Variants in BICC1 observed in about 807,000 individuals in gnomAD.
BICC1 encodes the protein protein bicaudal C homolog 1.
BICC1 carries 43 observed loss-of-function variants against 111.0 expected under a neutral mutation model. That is an observed-to-expected ratio of 0.39 (90% CI 0.30 to 0.50). The LOEUF is 0.50. Ranked by LOEUF, BICC1 falls within the 20% of genes least tolerant of loss-of-function variation. The pLI is 0.88. For missense variants in BICC1, 1,091 were observed against 1,203.2 expected (o/e 0.91, Z 1.38); for synonymous variants, 467 against 434.4 (o/e 1.07, Z -0.93).
At chr10:58,801,723 G>A (rs1034378816) in intron 14 of BICC1, among the ~76,000 whole-genome samples, 1 of 151,820 alleles carries the variant, frequency 6.6e-6, no homozygotes, top group Admixed American at 6.6e-5. Flanking sequence ...GTGTCTTTAT[G>A]CAAAGATTAG....
intron 1 of BICC1, among the ~76,000 whole-genome samples, chr10:58,528,308 C>G (rs1006196050): frequency 6.6e-6 from 1 of 151,790 alleles, no homozygotes; most frequent in African/African-American, 2.4e-5. Flanking sequence ...GAATGTTTTA[C>G]TGTTAGTGAT....
intron 3 of BICC1, among the ~76,000 whole-genome samples, chr10:58,717,118 A>G (rs1036683922): frequency 6.6e-6 from 1 of 152,258 alleles, no homozygotes; most frequent in Non-Finnish European, 1.5e-5. Flanking sequence ...TATTTTAAAT[A>G]GACACTGGTA....
At chr10:58,731,707 GGAGAGA>G (rs60117655) in intron 3 of BICC1, among the ~76,000 whole-genome samples, 43 of 147,384 alleles carry the variant, frequency 2.9e-4, no homozygotes, top group South Asian at 6.5e-4. Flanking sequence ...CAGGACAAGG[GGAGAGA>G]GAGAGAGAGA....
chr10:58,648,688 C>T, intron 2 of BICC1: 1 of 981,546 alleles, frequency 1.0e-6, no homozygotes, highest in Non-Finnish European at 1.2e-6. Context: ...TGCCTCTACA[C>T]TGTTGGAAAT....
intron 1 of BICC1, among the ~76,000 whole-genome samples, chr10:58,583,319 G>A (rs1382259453): frequency 6.6e-6 from 1 of 151,974 alleles, no homozygotes; most frequent in East Asian, 1.9e-4. Context: ...TGAGATCTTG[G>A]TGTACCCATC....
chr10:58,562,752 A>ATT (rs55705635), intron 1 of BICC1, among the ~76,000 whole-genome samples: 36 of 150,532 alleles, frequency 2.4e-4, no homozygotes, highest in South Asian at 8.4e-4. Context: ...TGTAAGGATA[A>ATT]TTTTTTTTTT....
intron 1 of BICC1, among the ~76,000 whole-genome samples, chr10:58,548,214 G>C (rs1050598937): frequency 6.6e-6 from 1 of 152,164 alleles, no homozygotes; most frequent in Non-Finnish European, 1.5e-5. Context: ...CAAACACTGA[G>C]AGATCTGGCT....
chr10:58,808,298 A>G (rs12412129), intron 17 of BICC1, among the ~76,000 whole-genome samples: 4 of 152,178 alleles, frequency 2.6e-5, no homozygotes, highest in Admixed American at 2.0e-4. Context: ...ACAGAGAGAA[A>G]ATAAACATCT....
chr10:58,799,086 C>T lies in BICC1; in HGVS notation c.1559C>T (p.Pro520Leu). ...GFSAIPHLMI[P>L]STAQATLTNI... ...TCTGCTATACCACACCTTATGATTC[C>T]ATCTACTGCCCAAGCCACATTAACT... Residue 520 changes from proline (P) to leucine (L), a missense_variant, in exon 12 of 21, where the codon CCA (proline) becomes CTA (leucine). Pro to Leu is a moderately conservative substitution (Grantham distance 98). Coordinates refer to ENST00000373886, the MANE Select transcript of BICC1 (RefSeq NM_001080512.3). 4 of 1,612,026 alleles carry T rather than the reference C, an allele frequency of 2.5e-6. No homozygotes were observed. The highest frequency in any genetic ancestry group is 2.5e-6 in the Non-Finnish European group (3 of 1,178,728).
rs1322345572 is a variant in BICC1, at chr10:58,801,174, T to G, written c.2015+128T>G. The G allele has an allele frequency of 3.7e-6, 3 of 802,528 alleles. No individual in the cohort carries two copies. In the African/African-American group the frequency reaches 5.4e-5, roughly 14 times the overall value. The allele number at this position is 802,528 out of a possible 1,614,324, so 49.7% of individuals were successfully genotyped here. On this transcript the variant is annotated intron_variant, in intron 14 of 20. Coordinates refer to ENST00000373886, the MANE Select transcript of BICC1 (RefSeq NM_001080512.3). ...CATCCATGGGTGTTTTCATTTTAAC[T>G]TTTTTAAAAAAAATATTAAGGAATA...
At chr10:58,756,110 AT>A (rs765597779) in intron 3 of BICC1, among the ~76,000 whole-genome samples, 7 of 152,102 alleles carry the variant, frequency 4.6e-5, no homozygotes, top group Admixed American at 2.6e-4. Flanking sequence ...GATGTGTTGT[AT>A]CTATTCCTTT....
In BICC1 at chr10:58,711,808, G is replaced by GTT. The variant is rs57938764; in HGVS notation, c.307+9676_307+9677dup. 6.3e-3 allele frequency among the ~76,000 whole-genome samples: 902 copies of GTT among 142,438 alleles called. 2 individuals are homozygous for GTT. The highest frequency in any genetic ancestry group is 0.014 in the Middle Eastern group (4 of 284). 93.4% of individuals were successfully genotyped at this position (142,438 alleles called of 152,430 possible). A position where few individuals can be genotyped will look rare whatever the true frequency, so the allele number is the denominator to read the frequency against. On this transcript the variant is annotated intron_variant, in intron 3 of 20. Coordinates refer to ENST00000373886, the MANE Select transcript of BICC1 (RefSeq NM_001080512.3). Reference sequence around the variant, plus strand: ...AATATATCTGGTAGTTTTTTTTTTTGTTTTTTTTTTTTAAAGATATTTTCC... The same window carrying GTT: ...AATATATCTGGTAGTTTTTTTTTTTGTTTTTTTTTTTTTTAAAGATATTTTCC...
chr10:58,742,001 C>T (rs1841682770), intron 3 of BICC1, among the ~76,000 whole-genome samples: 1 of 152,126 alleles, frequency 6.6e-6, no homozygotes, highest in Non-Finnish European at 1.5e-5. Context: ...GCCTCGTAGG[C>T]AGTTGGAATA....
At chr10:58,548,496 A>AT (rs1308917336) in intron 1 of BICC1, among the ~76,000 whole-genome samples, 5 of 152,062 alleles carry the variant, frequency 3.3e-5, no homozygotes, top group Non-Finnish European at 7.4e-5. Flanking sequence ...CTCCCAAATG[A>AT]TTTTTTACAA....
chr10:58,696,963 T>A (rs1274493076), intron 2 of BICC1, among the ~76,000 whole-genome samples: 1 of 152,122 alleles, frequency 6.6e-6, no homozygotes, highest in African/African-American at 2.4e-5. Flanking sequence ...TTCGTGGAGA[T>A]TTTGTGGCTT....
At chr10:58,521,947 A>T (rs1261721553) in intron 1 of BICC1, among the ~76,000 whole-genome samples, 1 of 151,802 alleles carries the variant, frequency 6.6e-6, no homozygotes, top group East Asian at 1.9e-4. Flanking sequence ...GAAACATTGC[A>T]AGGTGGTTAG....
chr10:58,699,304 G>A (rs564140328), intron 2 of BICC1, among the ~76,000 whole-genome samples: 2 of 152,334 alleles, frequency 1.3e-5, no homozygotes, highest in African/African-American at 2.4e-5. Flanking sequence ...TTCTCTGCAC[G>A]GTATAGACAG....
chr10:58,686,852 G>T (rs942462108), intron 2 of BICC1, among the ~76,000 whole-genome samples: 2 of 152,136 alleles, frequency 1.3e-5, no homozygotes, highest in African/African-American at 2.4e-5. Flanking sequence ...ATTACCAATC[G>T]TCTGAAGCCT....
intron 3 of BICC1, among the ~76,000 whole-genome samples, chr10:58,727,322 C>T (rs1337033777): frequency 6.6e-6 from 1 of 152,158 alleles, no homozygotes; most frequent in Non-Finnish European, 1.5e-5. Context: ...CACAATGGCT[C>T]ATGCCTATAG....
Sources: gnomAD v4.1 joint callset for allele counts (sites outside exome capture counted in the v4.1 genomes callset) on GRCh38, gnomAD v4.1.1 for gene constraint, MANE v1.5 for transcripts, NCBI Gene and HGNC (gene_info 2026-07-23, HGNC 2026-07-21) for gene names.